The following RNF4 variants were observed in gnomAD, a reference collection of about 807,000 sequenced individuals.
RNF4 encodes ring finger protein 4.
RNF4 carries 7 observed loss-of-function variants against 24.3 expected under a neutral mutation model. The ratio of observed to expected loss-of-function variants is 0.29; its 90% confidence interval spans 0.16 to 0.54. The LOEUF is 0.54. Among genes scored for constraint, RNF4 ranks in the 20% least tolerant of loss-of-function variants. RNF4 has a pLI of 0.95. For missense variants in RNF4, 209 were observed against 248.5 expected, an observed-to-expected ratio of 0.84 and a Z score of 1.07; for synonymous variants, 83 against 84.3, an observed-to-expected ratio of 0.98 and a Z score of 0.09.
intron 4 of RNF4, among the ~76,000 whole-genome samples, chr4:2,503,485 T>G (rs904915710): frequency 1.3e-5 from 2 of 152,188 alleles, no homozygotes; most frequent in African/African-American, 2.4e-5. Context: ...GATCTACTGG[T>G]CAGTTTGATC....
intron 1 of RNF4, among the ~76,000 whole-genome samples, chr4:2,477,033 C>T (rs994807566): frequency 1.3e-5 from 2 of 151,992 alleles, no homozygotes; most frequent in East Asian, 3.9e-4. Context: ...CTGCCCGCCT[C>T]AGCCTCCCAA....
intron 3 of RNF4, among the ~76,000 whole-genome samples, chr4:2,500,240 AAGTGAG>A (rs1190679893): frequency 1.3e-5 from 2 of 152,030 alleles, no homozygotes. Flanking sequence ...TCCTTGGGCC[AAGTGAG>A]AGTGGTCAGC....
In RNF4 at chr4:2,512,006, A is replaced by G; in HGVS notation, c.214+41A>G. On this transcript the variant is annotated intron_variant, in intron 5 of 7. Coordinates refer to ENST00000314289, the MANE Select transcript of RNF4 (RefSeq NM_002938.5). This position sits in a 1 kb window ranked among gnomAD's most constrained non-coding sequence, Gnocchi z 4.1. ...TCCTTTTTCACTGGGTTTGGAGAGGAAACTGGCATAGGTGAGAGCCGCGGT... is the reference window on the plus strand; with the variant it reads ...TCCTTTTTCACTGGGTTTGGAGAGGGAACTGGCATAGGTGAGAGCCGCGGT... The G allele has an allele frequency of 6.3e-7, 1 of 1,593,328 alleles. No individual in the cohort carries two copies. The highest frequency in any genetic ancestry group is 1.1e-5 in the South Asian group (1 of 88,618).
chr4:2,502,984 G>A lies in RNF4; in HGVS notation c.204+2246G>A, dbSNP rs184624141. ...TCCCACATTATCCTCCTGAGTAGCT[G>A]AGACTACAGGTGCATGCCACCATAC... On this transcript the variant is annotated intron_variant, in intron 4 of 7. Transcript: ENST00000314289. 1.6e-4 allele frequency among the ~76,000 whole-genome samples: 25 copies of A among 152,242 alleles called. 1 individual carries two copies. In the East Asian group the frequency reaches 4.6e-3, roughly 28 times the overall value.
intron 7 of RNF4, among the ~76,000 whole-genome samples, chr4:2,513,360 G>A (rs1279038866): frequency 2.0e-5 from 3 of 152,108 alleles, no homozygotes; most frequent in Non-Finnish European, 4.4e-5. Context: ...CTGAGCTTCC[G>A]GGTGCAAATG....
intron 1 of RNF4, among the ~76,000 whole-genome samples, chr4:2,487,020 C>T (rs1028629858): frequency 2.0e-5 from 3 of 152,168 alleles, no homozygotes; most frequent in Non-Finnish European, 4.4e-5. Context: ...AAGGTGATGT[C>T]GAGGCACCTC....
At chr4:2,511,005 G>A (rs1265886088) in intron 4 of RNF4, among the ~76,000 whole-genome samples, 1 of 152,216 alleles carries the variant, frequency 6.6e-6, no homozygotes, top group Admixed American at 6.5e-5. Context: ...TTAGTTACTT[G>A]TAACAACCTA....
At chr4:2,506,647 A>T (rs1176375920) in intron 4 of RNF4, among the ~76,000 whole-genome samples, 2 of 150,670 alleles carry the variant, frequency 1.3e-5, no homozygotes, top group African/African-American at 4.9e-5. Flanking sequence ...GGCTCACTGC[A>T]GCCTGTACCT....
chr4:2,499,206 A>AT (rs1451565844), intron 3 of RNF4: 1 of 394,084 alleles, frequency 2.5e-6, no homozygotes, highest in East Asian at 8.9e-5. Context: ...CAAAAAAAAA[A>AT]AGTTAAATGC....
At chr4:2,501,880 T>C (rs1377819021) in intron 4 of RNF4, among the ~76,000 whole-genome samples, 2 of 152,136 alleles carry the variant, frequency 1.3e-5, no homozygotes, top group Non-Finnish European at 2.9e-5. Flanking sequence ...AACTTCAGAA[T>C]AGGGTTATAC....
rs1400129265 is a variant in RNF4 at position 2,481,268 on chromosome 4, A to G, written c.-157-9069A>G. On this transcript the variant is annotated intron_variant, in intron 1 of 7. Transcript: ENST00000314289. ...CATTTCTCATGTGTAGAGCTTTACT[A>G]CCATTTTCACTAGATTGTTTTGTGT... The G allele has an allele frequency of 3.9e-5, 6 of 151,952 alleles. No individual in the cohort carries two copies. The South Asian group carries it at 6.2e-4, about 16-fold the overall frequency. The allele number at this position is 151,952 out of a possible 1,614,324, so 9.4% of individuals were successfully genotyped here.
At chr4:2,494,770 A>C (rs916954868) in intron 2 of RNF4, 1 of 152,482 alleles carries the variant, frequency 6.6e-6, no homozygotes, top group Non-Finnish European at 1.5e-5. Context: ...TAACCTTTAA[A>C]TAAGGAAGAG....
intron 3 of RNF4, among the ~76,000 whole-genome samples, chr4:2,498,240 A>G (rs572569516): frequency 1.3e-5 from 2 of 151,936 alleles, no homozygotes; most frequent in East Asian, 3.9e-4. Context: ...TTGGAGTGCA[A>G]TCGCGTGATC....
At chr4:2,484,759 C>T (rs704352) in intron 1 of RNF4, among the ~76,000 whole-genome samples, 30,321 of 151,942 alleles carry the variant, frequency 0.2, 3,381 homozygotes, top group East Asian at 0.38. Context: ...GCTTCCATCC[C>T]GTCAGTCACC....
At position 2,508,361 on chromosome 4, in the gene RNF4, C is replaced by T. The variant is rs149040603; in HGVS notation, c.205-3595C>T. On this transcript the variant is annotated intron_variant, in intron 4 of 7. Coordinates refer to ENST00000314289, the MANE Select transcript of RNF4 (RefSeq NM_002938.5). ...ATTTATGAAGCGCTGGTACTCTTCC[C>T]TCTGCACCTATCTTCTGTGCTGGGC... Among the ~76,000 whole-genome samples, 567 of 152,340 alleles carry T rather than the reference C, an allele frequency of 3.7e-3. 1 individual carries two copies. Among genetic ancestry groups the T allele is most frequent in the African/African-American group, 0.011 (441 of 41,576 alleles).
Position 2,512,175 on chromosome 4 carries a change from C to CT in RNF4, c.214+211dup, listed in dbSNP as rs1243686211. Reference sequence around the variant, plus strand: ...TTCACCACTATCATTGAGCACTGAGCTATAGTCCTTTCTTGTGGCCTACCA... The same window carrying CT: ...TTCACCACTATCATTGAGCACTGAGCTTATAGTCCTTTCTTGTGGCCTACCA... On this transcript the variant is annotated intron_variant, in intron 5 of 7. Coordinates refer to ENST00000314289, the MANE Select transcript of RNF4 (RefSeq NM_002938.5). This position sits in a 1 kb window ranked among gnomAD's most constrained non-coding sequence, Gnocchi z 4.1. 7.8e-6 allele frequency: 5 copies of CT among 642,518 alleles called. No homozygotes were observed. The Admixed American group carries it at 8.6e-5, about 11-fold the overall frequency. 39.8% of individuals were successfully genotyped at this position (642,518 alleles called of 1,614,324 possible).
chr4:2,499,023 C>G (rs528398859), intron 3 of RNF4, among the ~76,000 whole-genome samples: 2 of 152,092 alleles, frequency 1.3e-5, no homozygotes, highest in Non-Finnish European at 2.9e-5. Flanking sequence ...ATGGCGAAAC[C>G]CCATCTCTAC....
At chr4:2,485,000 G>C (rs750774828) in intron 1 of RNF4, among the ~76,000 whole-genome samples, 1 of 152,064 alleles carries the variant, frequency 6.6e-6, no homozygotes. Context: ...AGGAACCCTC[G>C]GCACCTTTGT....
chr4:2,470,509 A>G, intron 1 of RNF4, among the ~76,000 whole-genome samples: 1 of 152,238 alleles, frequency 6.6e-6, no homozygotes, highest in East Asian at 1.9e-4. Context: ...TTACTTTAAC[A>G]CATCGTTTAT....
Sources: gnomAD v4.1 joint callset for allele counts (sites outside exome capture counted in the v4.1 genomes callset) on GRCh38, gnomAD v4.1.1 for gene constraint, Gnocchi (gnomAD v3.1) non-coding constraint, MANE v1.5 for transcripts, NCBI Gene and HGNC (gene_info 2026-07-23, HGNC 2026-07-21) for gene names.